The following PODN variants were observed in gnomAD, a reference collection of about 807,000 sequenced individuals.
PODN encodes podocan proteoglycan.
In PODN, 40 loss-of-function variants were observed where a neutral mutation model predicts 52.7. The observed-to-expected ratio is 0.76, with a 90% CI of 0.59 to 0.99. PODN has a LOEUF of 0.99. Among genes scored for constraint, PODN ranks in the 50% least tolerant of loss-of-function variants. The pLI, the probability that PODN is intolerant of heterozygous loss-of-function variation, is 0.00. For missense variants in PODN, 720 were observed against 815.1 expected (o/e 0.88, Z 1.42); for synonymous variants, 396 against 377.9 (o/e 1.05, Z -0.56).
chr1:53,066,844 C>T (rs199911033), intron 1 of PODN: 12 of 1,549,684 alleles, frequency 7.7e-6, no homozygotes, highest in South Asian at 7.1e-5. Flanking sequence ...AAATGGAAGG[C>T]GAGGAGGCAG....
intron 5 of PODN, 25 bp downstream of exon 5, chr1:53,075,996 C>T: frequency 6.5e-7 from 1 of 1,538,736 alleles, no homozygotes. Context: ...GTGGTCAGGG[C>T]TCGGGCTGGG....
chr1:53,079,974 G>A (rs546128369), intron 8 of PODN, among the ~76,000 whole-genome samples: 7 of 140,916 alleles, frequency 5.0e-5, no homozygotes, highest in Non-Finnish European at 9.0e-5. Flanking sequence ...AATCCTGGAC[G>A]ACAGAGTGAG....
intron 1 of PODN, 92 bp downstream of exon 1, chr1:53,062,400 A>G: frequency 1.0e-6 from 1 of 988,494 alleles, no homozygotes; most frequent in Non-Finnish European, 1.3e-6. Context: ...GGATGGCTCC[A>G]GCAGCTGCCT....
At chr1:53,074,691 T>TA (rs1553159149) in intron 4 of PODN, 21 bp downstream of exon 4, 2 of 1,611,990 alleles carry the variant, frequency 1.2e-6, no homozygotes, top group Non-Finnish European at 1.7e-6. Flanking sequence ...TGAGGCAGGG[T>TA]GGGGGGTTGC....
intron 1 of PODN, among the ~76,000 whole-genome samples, chr1:53,066,187 A>G (rs1644031133): frequency 6.6e-6 from 1 of 151,800 alleles, no homozygotes; most frequent in Non-Finnish European, 1.5e-5. Context: ...TAGAGAGACG[A>G]AGTTTCGCCA....
intron 8 of PODN, 47 bp from the exon 9 acceptor site, chr1:53,080,681 T>C: frequency 6.3e-7 from 1 of 1,592,158 alleles, no homozygotes; most frequent in Non-Finnish European, 8.6e-7. Flanking sequence ...AGCTGTTAAG[T>C]GCTTTGCACA....
rs761843070 is a variant in PODN, at chr1:53,077,197, T to C, written c.589T>C (p.Tyr197His). Residue 197 changes from tyrosine (Y) to histidine (H), a missense_variant, in exon 6 of 11, where the codon TAC becomes CAC. Tyr to His is a moderately conservative substitution (Grantham distance 83). Coordinates refer to ENST00000312553, the MANE Select transcript of PODN (RefSeq NM_153703.5). The stretch of plus-strand genomic sequence containing the variant: ...CTGTGCCTTGACCCCCAGGTCTGTG[T>C]ACCTGCACAACAACAAGCTGGCAGA... ...FGQKPNLRSV[Y>H]LHNNKLADAG... 1 of 1,613,204 alleles carries C rather than the reference T, an allele frequency of 6.2e-7. No individual in the cohort carries two copies.
intron 6 of PODN, 77 bp downstream of exon 6, chr1:53,077,423 A>G (rs1406292666): frequency 6.4e-7 from 1 of 1,563,416 alleles, no homozygotes; most frequent in Non-Finnish European, 8.7e-7. Context: ...GCAGGGGAAG[A>G]GCTCAGGCCC....
chr1:53,063,607 G>T, intron 1 of PODN: 3 of 979,556 alleles, frequency 3.1e-6, no homozygotes, highest in Non-Finnish European at 3.6e-6. Flanking sequence ...AAGACCAGGG[G>T]GGACTGCTCT....
chr1:53,062,737 T>C (rs1643976162), intron 1 of PODN, among the ~76,000 whole-genome samples: 1 of 152,152 alleles, frequency 6.6e-6, no homozygotes, highest in Admixed American at 6.5e-5. Flanking sequence ...CCACGTCAAC[T>C]CATCAGGCCC....
At chr1:53,080,660 G>T in intron 8 of PODN, 68 bp from the exon 9 acceptor site, 1 of 1,526,886 alleles carries the variant, frequency 6.5e-7, no homozygotes. Flanking sequence ...GGGCTTGGTG[G>T]GAGTTTTGTA....
chr1:53,082,250 TG>T, intron 10 of PODN, 62 bp downstream of exon 10: 1 of 1,417,044 alleles, frequency 7.1e-7, no homozygotes, highest in Non-Finnish European at 9.2e-7. Context: ...TTCCTGACCC[TG>T]GTAGAGGGTC....
At chr1:53,080,981 G>GGT in intron 9 of PODN, 105 bp downstream of exon 9, 1 of 1,440,990 alleles carries the variant, frequency 6.9e-7, no homozygotes, top group Non-Finnish European at 9.5e-7. Flanking sequence ...TGCTGCCTGT[G>GGT]TAACCACGGC....
At chr1:53,067,226 T>G (rs931162779) in intron 1 of PODN, among the ~76,000 whole-genome samples, 7 of 152,078 alleles carry the variant, frequency 4.6e-5, no homozygotes, top group Non-Finnish European at 7.4e-5. Flanking sequence ...GCCGGGCCAG[T>G]GGCTGAGACC....
intron 10 of PODN, among the ~76,000 whole-genome samples, chr1:53,082,699 GCAC>G (rs1260796117): frequency 6.6e-6 from 1 of 152,196 alleles, no homozygotes; most frequent in Non-Finnish European, 1.5e-5. Context: ...GCACACGGAT[GCAC>G]CAACACACAT....
chr1:53,070,427 G>T (rs891708488), intron 2 of PODN, among the ~76,000 whole-genome samples: 1 of 152,216 alleles, frequency 6.6e-6, no homozygotes, highest in Admixed American at 6.5e-5. Flanking sequence ...GTCCAGGCTG[G>T]GCCCAGTAAG....
chr1:53,067,686 A>T (rs764404899), intron 1 of PODN, among the ~76,000 whole-genome samples: 35 of 152,100 alleles, frequency 2.3e-4, no homozygotes, highest in Non-Finnish European at 2.8e-4. Flanking sequence ...GGAGGCAAAG[A>T]TGTGAGGATC....
intron 10 of PODN, among the ~76,000 whole-genome samples, chr1:53,082,705 A>C (rs1387482464): frequency 6.6e-6 from 1 of 152,232 alleles, no homozygotes; most frequent in Non-Finnish European, 1.5e-5. Flanking sequence ...GGATGCACCA[A>C]CACACATACA....
At chr1:53,079,657 A>T (rs1001988888) in intron 8 of PODN, among the ~76,000 whole-genome samples, 5 of 152,162 alleles carry the variant, frequency 3.3e-5, no homozygotes, top group African/African-American at 9.7e-5. Context: ...GCCTGGGCAC[A>T]TAGTTCACTT....
Sources: allele counts gnomAD v4.1 joint callset (sites outside exome capture counted in the v4.1 genomes callset), GRCh38; gene constraint gnomAD v4.1.1; transcripts MANE v1.5; gene names NCBI Gene and HGNC (gene_info 2026-07-23, HGNC 2026-07-21).